Variants in AP4M1 observed in about 807,000 individuals in gnomAD.
The protein encoded by AP4M1 is AP-4 complex subunit mu-1.
In AP4M1, 58 loss-of-function variants were observed where a neutral mutation model predicts 62.4. The ratio of observed to expected loss-of-function variants is 0.93; its 90% confidence interval spans 0.75 to 1.16. The LOEUF (loss-of-function observed/expected upper bound fraction) is 1.16, where lower values mean the gene tolerates loss of function less well. Ranked by LOEUF, AP4M1 falls within the 50% of genes most tolerant of loss-of-function variation. The probability of loss-of-function intolerance (pLI) is 0.00; values close to 1 mark genes in which losing one functional copy is unlikely to be tolerated. For synonymous variants in AP4M1, 290 were observed against 239.7 expected, an observed-to-expected ratio of 1.21 and a Z score of -1.94; for missense variants, 626 against 585.4, an observed-to-expected ratio of 1.07 and a Z score of -0.72.
Position 100,101,753 on chromosome 7 carries a change from C to T in AP4M1, c.39C>T (p.Asp13=), listed in dbSNP as rs139476065. The T allele has an allele frequency of 6.2e-7, 1 of 1,613,808 alleles. No homozygotes were observed. The highest frequency in any genetic ancestry group is 1.1e-5 in the South Asian group (1 of 91,076). Reference sequence around the variant, plus strand: ...TCTTCATTCTGTCCTCCAAGGGGGACCCGCTCATCTACAAAGACTGTATCC... The same window carrying T: ...TCTTCATTCTGTCCTCCAAGGGGGATCCGCTCATCTACAAAGACTGTATCC... ...SQFFILSSKG[D]PLIYKDFRGD... The change falls in exon 1 of 15, where the codon GAC becomes GAT. Residue 13 remains aspartate (D), a synonymous_variant. Transcript: ENST00000359593.
At chr7:100,105,856 TACAGCCCACACCCAC>T in intron 11 of AP4M1, 88 bp from the exon 12 acceptor site, 2 of 1,373,756 alleles carry the variant, frequency 1.5e-6, no homozygotes, top group Non-Finnish European at 2.1e-6. Context: ...CTCTTGGGAG[TACAGCCCACACCCAC>T]ACAGCCCCAC....
At position 100,102,908 on chromosome 7, in the gene AP4M1, G is replaced by C; in HGVS notation, c.299G>C (p.Gly100Ala). ...GATTACTGTGGCTCCCTGGGCGAGG[G>C]GACCATCTCCCGCAATGTGGCTCTG... is the stretch of plus-strand genomic sequence containing the variant. ...LGDYCGSLGE[G>A]TISRNVALVY... The change falls in exon 4 of 15, where the codon GGG (glycine) becomes GCG (alanine). Residue 100 changes from glycine (G) to alanine (A), a missense_variant. By Grantham distance (60) the Gly-to-Ala change is moderately conservative (BLOSUM62 0). Transcript: ENST00000359593. 1 of 1,614,026 alleles carries C rather than the reference G, an allele frequency of 6.2e-7. No individual in the cohort carries two copies. Among genetic ancestry groups the C allele is most frequent in the Non-Finnish European group, 8.5e-7 (1 of 1,180,010 alleles).
chr7:100,101,212 TC>T, upstream of AP4M1: 1 of 1,608,418 alleles, frequency 6.2e-7, no homozygotes, highest in Non-Finnish European at 8.5e-7. Context: ...CAACAGGTGT[TC>T]CCCGGGAGGC....
At position 100,108,254 on chromosome 7, in the gene AP4M1, T is replaced by A; in HGVS notation, c.*1372T>A. On this transcript the variant is annotated 3_prime_UTR_variant, in exon 15 of 15. Transcript: ENST00000359593. ...GGCTGGGGCATCCTCACTCAGGGCCTGGTTGCCCTGAGACTACTGACTGAG... is the reference window on the plus strand; with the variant it reads ...GGCTGGGGCATCCTCACTCAGGGCCAGGTTGCCCTGAGACTACTGACTGAG... 6.9e-7 allele frequency: 1 copy of A among 1,454,042 alleles called. No homozygotes were observed. Among genetic ancestry groups the A allele is most frequent in the Non-Finnish European group, 9.1e-7 (1 of 1,093,938 alleles). The allele number at this position is 1,454,042 out of a possible 1,614,324, so 90.1% of individuals were successfully genotyped here. A position where few individuals can be genotyped will look rare whatever the true frequency, so the allele number is the denominator to read the frequency against.
chr7:100,100,953 C>G (rs1382072885), upstream of AP4M1: 7 of 1,044,020 alleles, frequency 6.7e-6, no homozygotes, highest in African/African-American at 1.2e-4. Context: ...GCCCTTAAGA[C>G]TCTCCTGAGG....
chr7:100,104,673 A>T (rs1410964097), intron 7 of AP4M1, among the ~76,000 whole-genome samples: 1 of 152,158 alleles, frequency 6.6e-6, no homozygotes, highest in African/African-American at 2.4e-5. Flanking sequence ...TCTACTAAAA[A>T]TACAAAAATT....
chr7:100,105,663 T>C lies in AP4M1; in HGVS notation c.929+124T>C. On this transcript the variant is annotated intron_variant, in intron 11 of 14. Coordinates refer to ENST00000359593, the MANE Select transcript of AP4M1 (RefSeq NM_004722.4). Reference sequence around the variant, plus strand: ...ATGGAGTGCAAATTGGAAAAAGGCTTGGGTTGCGGCCGGTGGCTCACACCT... The same window carrying C: ...ATGGAGTGCAAATTGGAAAAAGGCTCGGGTTGCGGCCGGTGGCTCACACCT... The C allele has an allele frequency of 2.8e-6, 3 of 1,055,622 alleles. No homozygotes were observed. In the South Asian group the frequency reaches 4.0e-5, roughly 14 times the overall value. The allele number at this position is 1,055,622 out of a possible 1,614,324, so 65.4% of individuals were successfully genotyped here.
intron 13 of AP4M1, 43 bp downstream of exon 13, chr7:100,106,334 G>A: frequency 6.2e-7 from 1 of 1,613,428 alleles, no homozygotes; most frequent in South Asian, 1.1e-5. Flanking sequence ...TGGGGAGAGA[G>A]TGAGCTCAGC....
intron 7 of AP4M1, 106 bp from the exon 8 acceptor site, chr7:100,104,768 T>C: frequency 8.1e-7 from 1 of 1,229,552 alleles, no homozygotes; most frequent in Non-Finnish European, 1.2e-6. Context: ...GAGGTGGAGG[T>C]TGCAGTGAGC....
intron 7 of AP4M1, 62 bp downstream of exon 7, chr7:100,104,216 T>A (rs569019235): frequency 4.1e-6 from 6 of 1,449,138 alleles, no homozygotes; most frequent in Non-Finnish European, 5.8e-6. Context: ...CATGGTGGGG[T>A]GGCTAAGACT....
At chr7:100,104,775 G>A (rs768270499) in intron 7 of AP4M1, 99 bp from the exon 8 acceptor site, 6 of 1,357,922 alleles carry the variant, frequency 4.4e-6, no homozygotes, top group Non-Finnish European at 6.3e-6. Flanking sequence ...AGGTTGCAGT[G>A]AGCCGAGATC....
At chr7:100,101,263 C>T, upstream of AP4M1, 1 of 1,613,232 alleles carries the variant, frequency 6.2e-7, no homozygotes, top group Non-Finnish European at 8.5e-7. Flanking sequence ...TAGACCCGTA[C>T]CCTTCTCTAG....
At chr7:100,106,609 G>C in intron 14 of AP4M1, 49 bp from the exon 15 acceptor site, 1 of 1,120,354 alleles carries the variant, frequency 8.9e-7, no homozygotes, top group East Asian at 5.1e-5. Flanking sequence ...TTCCCCCAGC[G>C]TGGTCAGCTT....
At position 100,101,923 on chromosome 7, in the gene AP4M1, C is replaced by T. The variant is rs776045217; in HGVS notation, c.102C>T (p.Tyr34=). The T allele has an allele frequency of 6.2e-7, 1 of 1,613,004 alleles. No homozygotes were observed. The highest frequency in any genetic ancestry group is 1.1e-5 in the South Asian group (1 of 91,090). The change falls in exon 2 of 15, where the codon TAC becomes TAT. Residue 34 remains tyrosine (Y), a synonymous_variant. Transcript: ENST00000359593. The stretch of plus-strand genomic sequence containing the variant: ...GCCGGGATGTGGCCGAGCTCTTCTA[C>T]CGGAAGCTGACGGGACTGCCAGGAG... ...SGGRDVAELF[Y]RKLTGLPGDE... is the part of the protein sequence containing the mutation.
At chr7:100,100,847 G>A (rs911044094), upstream of AP4M1, 23 of 1,017,158 alleles carry the variant, frequency 2.3e-5, no homozygotes, top group African/African-American at 3.4e-4. Flanking sequence ...CAGCGGCCCC[G>A]GCCTGCCCGC....
At chr7:100,101,157 C>T, upstream of AP4M1, 4 of 1,442,482 alleles carry the variant, frequency 2.8e-6, no homozygotes, top group Non-Finnish European at 3.9e-6. Context: ...GCCTCGCGCA[C>T]CCCAGAACCC....
rs1796733618 is a variant in AP4M1 at position 100,108,044 on chromosome 7, A to G, written c.*1162A>G. On this transcript the variant is annotated 3_prime_UTR_variant, in exon 15 of 15. Transcript: ENST00000359593. ...CACCAGTGTCTGGACAGGAAGTGCG[A>G]TGGAGCCAGGAACCTTCAGCAAGCC... 1 of 1,613,458 alleles carries G rather than the reference A, an allele frequency of 6.2e-7. No individual in the cohort carries two copies. Among genetic ancestry groups the G allele is most frequent in the African/African-American group, 1.3e-5 (1 of 74,900 alleles).
chr7:100,103,355 C>T, intron 4 of AP4M1, 54 bp from the exon 5 acceptor site: 3 of 1,504,522 alleles, frequency 2.0e-6, no homozygotes, highest in East Asian at 2.3e-5. Context: ...CCCACTCCCC[C>T]TCTTTACCCC....
chr7:100,106,184 A>G (rs1796458688), intron 12 of AP4M1, 57 bp from the exon 13 acceptor site: 1 of 1,599,790 alleles, frequency 6.3e-7, no homozygotes, highest in South Asian at 1.1e-5. Flanking sequence ...ATTGAAGAGG[A>G]ACAGGACAAG....
Sources: allele counts gnomAD v4.1 joint callset (sites outside exome capture counted in the v4.1 genomes callset), GRCh38; gene constraint gnomAD v4.1.1; transcripts MANE v1.5; gene names NCBI Gene and HGNC (gene_info 2026-07-23, HGNC 2026-07-21).